Variants in POU6F2 observed in about 807,000 individuals in gnomAD.
POU6F2 encodes the protein POU domain, class 6, transcription factor 2.
A neutral mutation model predicts 71.3 loss-of-function variants in POU6F2; 31 were observed. That is an observed-to-expected ratio of 0.43 (90% CI 0.33 to 0.59). The LOEUF is 0.59. Ranked by LOEUF, POU6F2 falls within the 20% of genes least tolerant of loss-of-function variation. The pLI is 0.04. For synonymous variants in POU6F2, 347 were observed against 355.7 expected, an observed-to-expected ratio of 0.98 and a Z score of 0.27; for missense variants, 783 against 856.8, an observed-to-expected ratio of 0.91 and a Z score of 1.07.
intron 4 of POU6F2, among the ~76,000 whole-genome samples, chr7:39,267,945 A>G (rs1486951158): frequency 6.6e-6 from 1 of 152,216 alleles, no homozygotes; most frequent in Non-Finnish European, 1.5e-5. Flanking sequence ...TAAGGTGGGT[A>G]ACACACAGCT....
intron 2 of POU6F2, among the ~76,000 whole-genome samples, chr7:39,090,464 A>T (rs989639385): frequency 2.0e-5 from 3 of 152,134 alleles, no homozygotes; most frequent in Non-Finnish European, 4.4e-5. Flanking sequence ...AGGCTGCCTC[A>T]TGCCCATGCA....
chr7:39,110,972 A>G (rs1051615446), intron 2 of POU6F2, among the ~76,000 whole-genome samples: 5 of 152,182 alleles, frequency 3.3e-5, no homozygotes, highest in Non-Finnish European at 5.9e-5. Flanking sequence ...AAGAAATAGT[A>G]TGTCACAGAA....
intron 4 of POU6F2, among the ~76,000 whole-genome samples, chr7:39,232,163 A>G (rs1794588959): frequency 6.6e-6 from 1 of 152,212 alleles, no homozygotes; most frequent in African/African-American, 2.4e-5. Context: ...TAAATATTCA[A>G]CAATTTTAGA....
intron 4 of POU6F2, among the ~76,000 whole-genome samples, chr7:39,322,433 T>G (rs1398890295): frequency 6.6e-6 from 1 of 152,226 alleles, no homozygotes; most frequent in African/African-American, 2.4e-5. Context: ...CTCTCCAGAT[T>G]GAGTGGAATT....
At chr7:39,206,905 G>A (rs972741831) in intron 3 of POU6F2, among the ~76,000 whole-genome samples, 1 of 152,156 alleles carries the variant, frequency 6.6e-6, no homozygotes, top group African/African-American at 2.4e-5. Context: ...ATGTCCCCCA[G>A]CCATAGATCT....
chr7:39,451,294 G>C (rs568054957), intron 7 of POU6F2, among the ~76,000 whole-genome samples: 118 of 150,444 alleles, frequency 7.8e-4, no homozygotes, highest in African/African-American at 2.8e-3. Flanking sequence ...AACAAGCCAA[G>C]TAGGGAATTA....
At chr7:39,169,306 T>C (rs1163327206) in intron 2 of POU6F2, among the ~76,000 whole-genome samples, 2 of 152,222 alleles carry the variant, frequency 1.3e-5, no homozygotes, top group Non-Finnish European at 2.9e-5. Context: ...TTAATTTCTC[T>C]CCTTTACTAC....
At chr7:39,404,596 C>T (rs1787379204) in intron 5 of POU6F2, 1 of 152,106 alleles carries the variant, frequency 6.6e-6, no homozygotes, top group African/African-American at 2.4e-5. Context: ...ATAATTTAAT[C>T]ATTTGTTGAG....
In POU6F2 at chr7:39,099,673, G is replaced by A. The variant is rs577662944; in HGVS notation, c.277+13642G>A. On this transcript the variant is annotated intron_variant, in intron 2 of 9. Coordinates refer to ENST00000518318, the MANE Select transcript of POU6F2 (RefSeq NM_001370959.1). ...CACAAGGCTATGAGCTTATGTCTCCGTTTCCTCTTCTGAAACATGAGTGTT... is the reference window on the plus strand; with the variant it reads ...CACAAGGCTATGAGCTTATGTCTCCATTTCCTCTTCTGAAACATGAGTGTT... 5.1e-4 allele frequency among the ~76,000 whole-genome samples: 78 copies of A among 152,276 alleles called. 1 individual carries two copies. The highest frequency in any genetic ancestry group is 1.8e-3 in the African/African-American group (73 of 41,550).
intron 5 of POU6F2, among the ~76,000 whole-genome samples, chr7:39,348,386 G>C (rs1339448855): frequency 1.3e-5 from 2 of 152,082 alleles, no homozygotes; most frequent in Non-Finnish European, 2.9e-5. Flanking sequence ...TCATGCATTG[G>C]CCTCATGAGT....
intron 1 of POU6F2, among the ~76,000 whole-genome samples, chr7:39,050,058 G>T (rs1307154304): frequency 1.3e-5 from 2 of 151,908 alleles, no homozygotes; most frequent in Non-Finnish European, 2.9e-5. Flanking sequence ...TGTTCTGGAG[G>T]TTATTACCAA....
chr7:39,124,027 T>A (rs1480792269), intron 2 of POU6F2, among the ~76,000 whole-genome samples: 2 of 150,570 alleles, frequency 1.3e-5, no homozygotes, highest in South Asian at 2.1e-4. Context: ...TTACCTTACT[T>A]TCCTCATCCA....
At chr7:39,330,476 A>G (rs1785619301) in intron 4 of POU6F2, among the ~76,000 whole-genome samples, 1 of 152,098 alleles carries the variant, frequency 6.6e-6, no homozygotes, top group African/African-American at 2.4e-5. Flanking sequence ...GAAATCTTTC[A>G]TGCTTTGTTT....
chr7:39,282,385 A>G (rs183878016), intron 4 of POU6F2, among the ~76,000 whole-genome samples: 110 of 152,028 alleles, frequency 7.2e-4, no homozygotes, highest in African/African-American at 2.5e-3. Flanking sequence ...GTCATGAATC[A>G]TTTCCTCTAT....
chr7:39,326,536 A>G (rs1785507183), intron 4 of POU6F2, among the ~76,000 whole-genome samples: 1 of 152,228 alleles, frequency 6.6e-6, no homozygotes, highest in Admixed American at 6.5e-5. Flanking sequence ...AAGCAAAATC[A>G]AGGAACATGT....
chr7:39,047,679 G>T (rs1314887026), intron 1 of POU6F2, among the ~76,000 whole-genome samples: 1 of 151,814 alleles, frequency 6.6e-6, no homozygotes, highest in Non-Finnish European at 1.5e-5. Context: ...TTCTTTTCCA[G>T]TGTAGATGCA....
chr7:38,990,890 C>T (rs977053749), intron 1 of POU6F2, among the ~76,000 whole-genome samples: 2 of 151,958 alleles, frequency 1.3e-5, no homozygotes. Flanking sequence ...GTGCTAGAAT[C>T]CAACACAGTA....
intron 4 of POU6F2, among the ~76,000 whole-genome samples, chr7:39,251,884 C>G (rs898385490): frequency 2.5e-4 from 38 of 152,264 alleles, no homozygotes; most frequent in Middle Eastern, 3.4e-3. Flanking sequence ...ACCACCCTTA[C>G]AATCCCTACC....
At chr7:39,147,890 A>G (rs529635939) in intron 2 of POU6F2, among the ~76,000 whole-genome samples, 41 of 152,198 alleles carry the variant, frequency 2.7e-4, no homozygotes, top group Non-Finnish European at 4.4e-4. Context: ...TGCAGCCCAC[A>G]CTCACTTTTA....
Sources: allele counts gnomAD v4.1 joint callset (sites outside exome capture counted in the v4.1 genomes callset), GRCh38; gene constraint gnomAD v4.1.1; transcripts MANE v1.5; gene names NCBI Gene and HGNC (gene_info 2026-07-23, HGNC 2026-07-21).